The following STRIP2 variants were observed in gnomAD, a reference collection of about 807,000 sequenced individuals.
The protein encoded by STRIP2 is striatin-interacting protein 2.
Under a neutral mutation model 107.1 loss-of-function variants are expected in STRIP2, and 84 were observed. The ratio of observed to expected loss-of-function variants is 0.78; its 90% CI spans 0.66 to 0.94. The LOEUF is 0.94. Among genes scored for constraint, STRIP2 ranks in the 40% least tolerant of loss-of-function variants. The probability of loss-of-function intolerance (pLI) is 0.00; values close to 1 mark genes in which losing one functional copy is unlikely to be tolerated. For missense variants in STRIP2, 888 were observed against 1,034.2 expected (o/e 0.86, Z 1.94); for synonymous variants, 394 against 400.4 (o/e 0.98, Z 0.19).
intron 5 of STRIP2, 92 bp downstream of exon 5, chr7:129,453,439 C>G: frequency 6.6e-7 from 1 of 1,509,550 alleles, no homozygotes; most frequent in Non-Finnish European, 9.0e-7. Context: ...TATAGAGACC[C>G]CCTGTGAGGA....
intron 16 of STRIP2, among the ~76,000 whole-genome samples, chr7:129,465,257 A>G (rs1365055447): frequency 6.6e-6 from 1 of 152,152 alleles, no homozygotes; most frequent in Non-Finnish European, 1.5e-5. Context: ...GGAAACATCT[A>G]ATCCAGCTTG....
chr7:129,485,678 C>CT lies in STRIP2; in HGVS notation c.2355dup (p.Glu786Ter), dbSNP rs1562922359. On this transcript the variant is annotated frameshift_variant, in exon 21 of 21. Coordinates refer to ENST00000249344, the MANE Select transcript of STRIP2 (RefSeq NM_020704.3). LOFTEE classifies it high-confidence loss of function. ...CGTCGCTATGACAGACCCCAGGACT[C>CT]TGAGTTTTCACCTGTGGATAACTGC... is the stretch of plus-strand genomic sequence containing the variant. 1.2e-6 allele frequency: 2 copies of CT among 1,614,108 alleles called. No individual in the cohort carries two copies. Among genetic ancestry groups the CT allele is most frequent in the East Asian group, 2.2e-5 (1 of 44,870 alleles).
intron 3 of STRIP2, among the ~76,000 whole-genome samples, chr7:129,449,893 A>C (rs1028802192): frequency 1.3e-5 from 2 of 152,198 alleles, no homozygotes; most frequent in African/African-American, 4.8e-5. Context: ...CCCTGAGTTC[A>C]TCATTTTCTT....
chr7:129,452,635 C>T (rs1798227098), intron 4 of STRIP2, among the ~76,000 whole-genome samples: 1 of 152,242 alleles, frequency 6.6e-6, no homozygotes, highest in Non-Finnish European at 1.5e-5. Flanking sequence ...TATCCTCCTG[C>T]TCCAGCCTCC....
At chr7:129,463,997 C>A in intron 14 of STRIP2, 47 bp from the exon 15 acceptor site, 1 of 1,482,676 alleles carries the variant, frequency 6.7e-7, no homozygotes, top group Non-Finnish European at 9.4e-7. Context: ...CACTTCCTTG[C>A]TGAGTGGGTT....
In STRIP2 at chr7:129,482,902, A is replaced by G; in HGVS notation, c.2110A>G (p.Met704Val). ...LKRALKVKQA[M>V]LQLYVLKLLK... ...GCGGGCCCTCAAGGTCAAACAGGCC[A>G]TGCTGCAACTTTATGTCCTAAAGCT... Residue 704 changes from methionine (M) to valine (V), a missense_variant, in exon 20 of 21, where the codon ATG (methionine) becomes GTG (valine). By Grantham distance (21) the Met-to-Val change is conservative. Transcript: ENST00000249344. 6.2e-7 allele frequency: 1 copy of G among 1,614,218 alleles called. No individual in the cohort carries two copies. Among genetic ancestry groups the G allele is most frequent in the South Asian group, 1.1e-5 (1 of 91,082 alleles).
At chr7:129,460,183 G>T in intron 12 of STRIP2, 118 bp from the exon 13 acceptor site, 3 of 788,904 alleles carry the variant, frequency 3.8e-6, no homozygotes, top group Non-Finnish European at 4.1e-6. Flanking sequence ...TCATGTCTAT[G>T]TGGGGTAACA....
At position 129,458,229 on chromosome 7, in the gene STRIP2, GCAGGA is replaced by G. The variant is rs1562904797; in HGVS notation, c.1057_1061del (p.Asp353ProfsTer6). On this transcript the variant is annotated frameshift_variant, in exon 10 of 21. Transcript: ENST00000249344. LOFTEE classifies it high-confidence loss of function. This position sits in a 1 kb window ranked among gnomAD's most constrained non-coding sequence, Gnocchi z 4.6. The stretch of plus-strand genomic sequence containing the variant: ...TTCCCCTCCAGCAACTCCTCACTAA[GCAGGA>G]CAGCCTGGACATCTACAATGAAAGG... The G allele has an allele frequency of 6.2e-7, 1 of 1,614,104 alleles. No individual in the cohort carries two copies. The highest frequency in any genetic ancestry group is 8.5e-7 in the Non-Finnish European group (1 of 1,179,986).
At chr7:129,473,499 G>A (rs1266038669) in intron 18 of STRIP2, among the ~76,000 whole-genome samples, 2 of 151,916 alleles carry the variant, frequency 1.3e-5, no homozygotes, top group African/African-American at 4.8e-5. Flanking sequence ...AAGTAGCTGG[G>A]TGTAGGTGGG....
At position 129,447,536 on chromosome 7, in the gene STRIP2, G is replaced by A. The variant is rs189027751; in HGVS notation, c.274+3438G>A. On this transcript the variant is annotated intron_variant, in intron 3 of 20. Coordinates refer to ENST00000249344, the MANE Select transcript of STRIP2 (RefSeq NM_020704.3). The stretch of plus-strand genomic sequence containing the variant: ...TCAGCATAATGTCATCAATGTAATG[G>A]ACCAATGTGATATCTTGTGGAAGCA... Among the ~76,000 whole-genome samples, 73 of 152,304 alleles carry A rather than the reference G, an allele frequency of 4.8e-4. 2 individuals carry two copies. Among genetic ancestry groups the A allele is most frequent in the East Asian group, 3.9e-3 (20 of 5,186 alleles).
chr7:129,453,135 A>G, intron 4 of STRIP2, 92 bp from the exon 5 acceptor site: 1 of 1,549,516 alleles, frequency 6.5e-7, no homozygotes, highest in Non-Finnish European at 8.8e-7. Flanking sequence ...TAGGCAGAGT[A>G]TTATAGGAAA....
intron 3 of STRIP2, among the ~76,000 whole-genome samples, chr7:129,448,212 T>C (rs1222450521): frequency 2.0e-5 from 3 of 152,184 alleles, no homozygotes; most frequent in African/African-American, 7.2e-5. Flanking sequence ...ATTAGTTACC[T>C]GACCTCCATA....
chr7:129,467,558 CT>C, intron 17 of STRIP2, 108 bp downstream of exon 17: 1 of 641,320 alleles, frequency 1.6e-6, no homozygotes, highest in Non-Finnish European at 2.6e-6. Flanking sequence ...TCCCTCCTGT[CT>C]TAGAGCTGTC....
At chr7:129,470,780 T>C in intron 18 of STRIP2, 65 bp downstream of exon 18, 2 of 1,350,388 alleles carry the variant, frequency 1.5e-6, no homozygotes, top group Non-Finnish European at 2.1e-6. Flanking sequence ...ATTTGCTCTT[T>C]CATTTCTTCT....
intron 18 of STRIP2, among the ~76,000 whole-genome samples, chr7:129,480,427 A>G (rs1799087320): frequency 6.6e-6 from 1 of 152,238 alleles, no homozygotes; most frequent in South Asian, 2.1e-4. Context: ...CCTAACAATT[A>G]CAAACATAGT....
In STRIP2 at chr7:129,470,634, C is replaced by G; in HGVS notation, c.1878-15C>G. The G allele has an allele frequency of 6.2e-7, 1 of 1,611,492 alleles. No individual in the cohort carries two copies. The highest frequency in any genetic ancestry group is 8.5e-7 in the Non-Finnish European group (1 of 1,177,618). The stretch of plus-strand genomic sequence containing the variant: ...CCATTTACCTAAAGCCTGTCCTTAT[C>G]TCTGCATCTTACAGCATCTCAGTCC... On this transcript the variant is annotated splice_polypyrimidine_tract_variant and intron_variant, in intron 17 of 20. Transcript: ENST00000249344.
intron 18 of STRIP2, among the ~76,000 whole-genome samples, chr7:129,475,961 T>C (rs1472472005): frequency 6.6e-6 from 1 of 152,072 alleles, no homozygotes; most frequent in Non-Finnish European, 1.5e-5. Context: ...CATGCCCGCC[T>C]CTTTCTACAC....
At chr7:129,482,464 GC>G (rs1799150500) in intron 19 of STRIP2, among the ~76,000 whole-genome samples, 1 of 141,254 alleles carries the variant, frequency 7.1e-6, no homozygotes, top group Admixed American at 7.6e-5. Context: ...TGCAACCTCC[GC>G]CTCCTGGGTT....
chr7:129,473,532 A>T (rs1436969178), intron 18 of STRIP2, among the ~76,000 whole-genome samples: 1 of 151,772 alleles, frequency 6.6e-6, no homozygotes, highest in Admixed American at 6.6e-5. Context: ...CTACCATGCC[A>T]GGCTAATTTT....
Sources: gnomAD v4.1 joint callset for allele counts (sites outside exome capture counted in the v4.1 genomes callset) on GRCh38, gnomAD v4.1.1 for gene constraint, Gnocchi (gnomAD v3.1) non-coding constraint, MANE v1.5 for transcripts, NCBI Gene and HGNC (gene_info 2026-07-23, HGNC 2026-07-21) for gene names.